The following TGM1 variants were observed in gnomAD, a reference collection of about 807,000 sequenced individuals.
TGM1 encodes transglutaminase 1.
TGM1 carries 63 observed loss-of-function variants against 88.7 expected under a neutral mutation model. The observed-to-expected ratio is 0.71, with a 90% confidence interval of 0.58 to 0.88. TGM1 has a LOEUF of 0.88. Among genes scored for constraint, TGM1 ranks in the 40% least tolerant of loss-of-function variants. The pLI is 0.00. For missense variants in TGM1, 996 were observed against 1,118.0 expected (o/e 0.89, Z 1.56); for synonymous variants, 415 against 431.1 (o/e 0.96, Z 0.46).
At chr14:24,253,052 G>A (rs1185944109) in intron 14 of TGM1, among the ~76,000 whole-genome samples, 1 of 152,206 alleles carries the variant, frequency 6.6e-6, no homozygotes, top group Non-Finnish European at 1.5e-5. Context: ...GAGGGATGGA[G>A]TTCTCTCCTC....
At position 24,259,421 on chromosome 14, in the gene TGM1, C is replaced by G. The variant is rs971174829; in HGVS notation, c.985-172G>C. ...CCAGCCCTTCCCTCAGCCATCTGCC[C>G]CCCTCCCACCCGGGCTCTGACACAG... On this transcript the variant is annotated intron_variant, in intron 6 of 14. Transcript: ENST00000206765. The surrounding 1 kb of genome is among the most constrained non-coding windows in gnomAD (Gnocchi z 5.7). 4.6e-5 allele frequency among the ~76,000 whole-genome samples: 7 copies of G among 152,236 alleles called. No homozygotes were observed. Among genetic ancestry groups the G allele is most frequent in the Non-Finnish European group, 8.8e-5 (6 of 68,034 alleles).
At chr14:24,256,347 T>TGGG (rs1355342948) in intron 9 of TGM1, among the ~76,000 whole-genome samples, 1 of 152,214 alleles carries the variant, frequency 6.6e-6, no homozygotes, top group South Asian at 2.1e-4. Flanking sequence ...TGCTGGAGGA[T>TGGG]GGGGGCAGGG....
chr14:24,260,121 C>T, intron 4 of TGM1, 63 bp from the exon 5 acceptor site: 2 of 1,418,954 alleles, frequency 1.4e-6, no homozygotes, highest in Admixed American at 3.3e-5. Flanking sequence ...TCACCTACTT[C>T]TGGCCAGTTC....
chr14:24,259,885 C>T lies in TGM1; in HGVS notation c.876+55G>A. 1.2e-6 allele frequency: 2 copies of T among 1,608,428 alleles called. No homozygotes were observed. Among genetic ancestry groups the T allele is most frequent in the African/African-American group, 1.3e-5 (1 of 74,940 alleles). On this transcript the variant is annotated intron_variant, in intron 5 of 14. Transcript: ENST00000206765. This position sits in a 1 kb window ranked among gnomAD's most constrained non-coding sequence, Gnocchi z 5.7. Reference sequence around the variant, plus strand: ...GCACCCTGCTCCAATACCCCAGCCCCCACACCCACCCCAGCTCCTCTGGGT... The same window carrying T: ...GCACCCTGCTCCAATACCCCAGCCCTCACACCCACCCCAGCTCCTCTGGGT...
chr14:24,258,179 A>T, intron 9 of TGM1, 106 bp downstream of exon 9: 2 of 872,904 alleles, frequency 2.3e-6, no homozygotes, highest in Non-Finnish European at 1.8e-6. Flanking sequence ...CCGCGGGGTT[A>T]CATGGCTTGG....
In TGM1 at chr14:24,261,727, G is replaced by A. The variant is rs762069170; in HGVS notation, c.476C>T (p.Ser159Phe). Residue 159 changes from serine to phenylalanine, a missense_variant, in exon 3 of 15, where the codon TCC (serine) becomes TTC (phenylalanine). Coordinates refer to ENST00000206765, the MANE Select transcript of TGM1 (RefSeq NM_000359.3). ...MLLLLSRTYE[S>F]SDRITLELLI... ...TAACTCAAGGGTGATGCGATCAGAG[G>A]ATTCATAGGTCCGGGACAGGAGGAG... 1.2e-6 allele frequency: 2 copies of A among 1,614,012 alleles called. No individual in the cohort carries two copies. Among genetic ancestry groups the A allele is most frequent in the African/African-American group, 2.7e-5 (2 of 74,900 alleles).
chr14:24,254,635 C>T, intron 13 of TGM1, 29 bp downstream of exon 13: 2 of 1,613,450 alleles, frequency 1.2e-6, no homozygotes, highest in African/African-American at 1.3e-5. Context: ...TCTCTGACCA[C>T]CCCTCATGCC....
At chr14:24,251,474 G>C (rs1245086604) in intron 14 of TGM1, among the ~76,000 whole-genome samples, 1 of 152,114 alleles carries the variant, frequency 6.6e-6, no homozygotes, top group African/African-American at 2.4e-5. Flanking sequence ...CCCTCCCCTG[G>C]TCTCATTGTG....
At chr14:24,254,624 C>G (rs780972659) in intron 13 of TGM1, 40 bp downstream of exon 13, 3 of 1,613,302 alleles carry the variant, frequency 1.9e-6, no homozygotes, top group Non-Finnish European at 8.5e-7. Flanking sequence ...CTGGCCTTCA[C>G]TCTCTGACCA....
chr14:24,249,294 C>A lies in TGM1; in HGVS notation c.*19G>T. 6.2e-7 allele frequency: 1 copy of A among 1,608,206 alleles called. No homozygotes were observed. Among genetic ancestry groups the A allele is most frequent in the Non-Finnish European group, 8.5e-7 (1 of 1,176,442 alleles). ...GTCCTTGCTCATCTGACTCCAGTCC[C>A]ATTGCTCCTGGCACGGGGCTAAGCT... On this transcript the variant is annotated 3_prime_UTR_variant, in exon 15 of 15. Coordinates refer to ENST00000206765, the MANE Select transcript of TGM1 (RefSeq NM_000359.3).
intron 14 of TGM1, among the ~76,000 whole-genome samples, chr14:24,252,118 G>A (rs2040705766): frequency 6.6e-6 from 1 of 152,188 alleles, no homozygotes; most frequent in African/African-American, 2.4e-5. Flanking sequence ...AGCCTCTGAT[G>A]TGCGAATGAG....
intron 3 of TGM1, 63 bp from the exon 4 acceptor site, chr14:24,260,761 G>A (rs1452082523): frequency 6.2e-7 from 1 of 1,609,550 alleles, no homozygotes; most frequent in Non-Finnish European, 8.5e-7. Flanking sequence ...TGGAGCCTGG[G>A]ACTTCTCCCG....
At chr14:24,258,104 A>G (rs899456250) in intron 9 of TGM1, among the ~76,000 whole-genome samples, 181 bp downstream of exon 9, 1 of 152,252 alleles carries the variant, frequency 6.6e-6, no homozygotes. Context: ...ATAGAGAGTT[A>G]TATAGAATGG....
At position 24,254,005 on chromosome 14, in the gene TGM1, G is replaced by C. The variant is rs992991025; in HGVS notation, c.2225+147C>G. On this transcript the variant is annotated intron_variant, in intron 14 of 14. Coordinates refer to ENST00000206765, the MANE Select transcript of TGM1 (RefSeq NM_000359.3). The stretch of plus-strand genomic sequence containing the variant: ...GGCTGGTGGGACTGAGCTGGGCCGG[G>C]AGGTATTGCTAGCTGGCCCCAACCT... 3.7e-6 allele frequency: 4 copies of C among 1,089,816 alleles called. No individual in the cohort carries two copies. In the African/African-American group the frequency reaches 4.7e-5, roughly 13 times the overall value. 67.5% of individuals were successfully genotyped at this position (1,089,816 alleles called of 1,614,324 possible).
intron 14 of TGM1, among the ~76,000 whole-genome samples, chr14:24,252,310 G>A (rs1040886157): frequency 2.0e-5 from 3 of 152,164 alleles, no homozygotes; most frequent in Admixed American, 2.0e-4. Context: ...TTTACTGTAG[G>A]GAGACTCACA....
At chr14:24,257,378 C>A (rs1386611552) in intron 9 of TGM1, among the ~76,000 whole-genome samples, 1 of 152,138 alleles carries the variant, frequency 6.6e-6, no homozygotes, top group African/African-American at 2.4e-5. Flanking sequence ...TATGGTAGTT[C>A]TAATTTCTGC....
chr14:24,255,459 T>G lies in TGM1; in HGVS notation c.1550A>C (p.Tyr517Ser), dbSNP rs755178560. The change falls in exon 11 of 15, where the codon TAT becomes TCT. Residue 517 changes from tyrosine to serine, a missense_variant. Physicochemically the swap from Tyr to Ser is moderately radical, Grantham distance 144. Transcript: ENST00000206765. This position sits in a 1 kb window ranked among gnomAD's most constrained non-coding sequence, Gnocchi z 4.0. The part of the protein sequence containing the change: ...RQDDGSFKIV[Y>S]VEEKAIGTLI... Reference sequence around the variant, plus strand: ...TGTGCCGATGGCCTTCTCCTCCACATAAACAATCTTGAAGCTGCCATCATC... The same window carrying G: ...TGTGCCGATGGCCTTCTCCTCCACAGAAACAATCTTGAAGCTGCCATCATC... The G allele has an allele frequency of 6.2e-7, 1 of 1,613,954 alleles. No individual in the cohort carries two copies. The highest frequency in any genetic ancestry group is 8.5e-7 in the Non-Finnish European group (1 of 1,180,020).
At chr14:24,261,560 C>A in intron 3 of TGM1, 135 bp downstream of exon 3, 1 of 1,150,954 alleles carries the variant, frequency 8.7e-7, no homozygotes. Context: ...GGCACACCCA[C>A]ACACTTGCAC....
chr14:24,262,479 A>T lies in TGM1; in HGVS notation c.-2-125T>A. The T allele has an allele frequency of 2.9e-6, 3 of 1,036,724 alleles. No homozygotes were observed. The Admixed American group carries it at 6.0e-5, about 21-fold the overall frequency. 64.2% of individuals were successfully genotyped at this position (1,036,724 alleles called of 1,614,324 possible). A position where few individuals can be genotyped will look rare whatever the true frequency, so the allele number is the denominator to read the frequency against. ...CCGAAACAATCCCACCTTGGCCCAG[A>T]GATTCTCCAGACACATCCAGAGACC... is the stretch of plus-strand genomic sequence containing the variant. On this transcript the variant is annotated intron_variant, in intron 1 of 14. Coordinates refer to ENST00000206765, the MANE Select transcript of TGM1 (RefSeq NM_000359.3).
Sources: allele counts gnomAD v4.1 joint callset (sites outside exome capture counted in the v4.1 genomes callset), GRCh38; gene constraint gnomAD v4.1.1; non-coding constraint Gnocchi (gnomAD v3.1); transcripts MANE v1.5; gene names NCBI Gene and HGNC (gene_info 2026-07-23, HGNC 2026-07-21).